The following KIF16B variants were observed in gnomAD, a reference collection of about 807,000 sequenced individuals.
KIF16B encodes the protein kinesin-like protein KIF16B.
In KIF16B, 98 loss-of-function variants were observed where a neutral mutation model predicts 156.3. The observed-to-expected ratio is 0.63, with a 90% CI of 0.53 to 0.74. The LOEUF is 0.74. Among genes scored for constraint, KIF16B ranks in the 30% least tolerant of loss-of-function variants. The pLI is 0.00. For synonymous variants in KIF16B, 564 were observed against 583.7 expected, an observed-to-expected ratio of 0.97 and a Z score of 0.49; for missense variants, 1,421 against 1,606.5, an observed-to-expected ratio of 0.88 and a Z score of 1.97.
chr20:16,396,962 A>G (rs950301019), intron 17 of KIF16B, among the ~76,000 whole-genome samples: 1 of 152,166 alleles, frequency 6.6e-6, no homozygotes, highest in Non-Finnish European at 1.5e-5. Flanking sequence ...ATCCATCTAA[A>G]TGGGCTCACT....
At chr20:16,341,159 A>G (rs543754516) in intron 23 of KIF16B, among the ~76,000 whole-genome samples, 2 of 152,342 alleles carry the variant, frequency 1.3e-5, no homozygotes, top group South Asian at 4.1e-4. Flanking sequence ...TTAAATCCAC[A>G]CTTAACATCG....
At chr20:16,310,980 T>A (rs1029210920) in intron 25 of KIF16B, among the ~76,000 whole-genome samples, 4 of 152,370 alleles carry the variant, frequency 2.6e-5, no homozygotes, top group Middle Eastern at 3.4e-3. Flanking sequence ...CTTCTCTCCT[T>A]CTGCTCTCAC....
chr20:16,558,911 A>C (rs893801491), intron 1 of KIF16B, among the ~76,000 whole-genome samples: 1 of 151,874 alleles, frequency 6.6e-6, no homozygotes, highest in South Asian at 2.1e-4. Context: ...AAAAAAAAAA[A>C]AAAAAAAAAA....
chr20:16,337,860 G>A (rs1040659430), intron 23 of KIF16B, among the ~76,000 whole-genome samples: 2 of 152,300 alleles, frequency 1.3e-5, no homozygotes, highest in African/African-American at 4.8e-5. Flanking sequence ...CCTTCCAACA[G>A]GGCATGCTGC....
At chr20:16,361,321 C>T (rs2064548052) in intron 22 of KIF16B, among the ~76,000 whole-genome samples, 1 of 152,128 alleles carries the variant, frequency 6.6e-6, no homozygotes, top group African/African-American at 2.4e-5. Context: ...TTGTTATAGC[C>T]TCAAACATCA....
At chr20:16,566,080 T>C (rs1337657784) in intron 1 of KIF16B, among the ~76,000 whole-genome samples, 1 of 152,272 alleles carries the variant, frequency 6.6e-6, no homozygotes, top group East Asian at 1.9e-4. Context: ...TTCGGTATAT[T>C]TTTCTGCATA....
intron 17 of KIF16B, among the ~76,000 whole-genome samples, chr20:16,397,651 A>G (rs1415163306): frequency 6.6e-6 from 1 of 152,198 alleles, no homozygotes; most frequent in East Asian, 1.9e-4. Flanking sequence ...TTCTGGGAAA[A>G]ACTGAGTACT....
intron 24 of KIF16B, among the ~76,000 whole-genome samples, chr20:16,323,969 G>A (rs2063807047): frequency 6.6e-6 from 1 of 151,852 alleles, no homozygotes; most frequent in Admixed American, 6.6e-5. Flanking sequence ...AAAGCCCGGT[G>A]TCAGTTTCAT....
At chr20:16,342,242 A>G (rs1264371291) in intron 23 of KIF16B, among the ~76,000 whole-genome samples, 1 of 147,234 alleles carries the variant, frequency 6.8e-6, no homozygotes, top group Non-Finnish European at 1.5e-5. Context: ...TACTAATTAT[A>G]TATCTCTCTA....
chr20:16,417,468 C>T (rs1209509146), intron 15 of KIF16B, among the ~76,000 whole-genome samples: 1 of 152,104 alleles, frequency 6.6e-6, no homozygotes, highest in Admixed American at 6.5e-5. Context: ...ATAAACATTT[C>T]CCATAGGATT....
At position 16,389,531 on chromosome 20, in the gene KIF16B, T is replaced by C. The variant is rs143889412; in HGVS notation, c.1785-7784A>G. ...GTTCCGACTACAGAGGGTTCTTCAA[T>C]GGTTTAGACAAAAAATGATTGACCT... On this transcript the variant is annotated intron_variant, in intron 17 of 25. Coordinates refer to ENST00000354981, the MANE Select transcript of KIF16B (RefSeq NM_024704.5). 6.4e-4 allele frequency among the ~76,000 whole-genome samples: 98 copies of C among 152,288 alleles called. 1 individual carries two copies. The highest frequency in any genetic ancestry group is 5.0e-3 in the East Asian group (26 of 5,176).
At chr20:16,416,293 T>C (rs558267065) in intron 15 of KIF16B, among the ~76,000 whole-genome samples, 10 of 152,328 alleles carry the variant, frequency 6.6e-5, no homozygotes, top group African/African-American at 2.4e-4. Context: ...CCCATGCCTA[T>C]GTCCTGAATG....
intron 23 of KIF16B, among the ~76,000 whole-genome samples, chr20:16,349,712 C>T (rs1016674369): frequency 4.6e-5 from 7 of 152,244 alleles, no homozygotes; most frequent in East Asian, 1.9e-4. Flanking sequence ...CCTGGCCCCA[C>T]GGTGCCTGCC....
intron 23 of KIF16B, among the ~76,000 whole-genome samples, chr20:16,337,545 A>G (rs1317180696): frequency 6.6e-6 from 1 of 151,548 alleles, no homozygotes; most frequent in Non-Finnish European, 1.5e-5. Flanking sequence ...ATAAGAAAAC[A>G]AAAGTGAATG....
At chr20:16,275,291 A>G (rs1217715163) in intron 25 of KIF16B, among the ~76,000 whole-genome samples, 1 of 152,112 alleles carries the variant, frequency 6.6e-6, no homozygotes, top group Non-Finnish European at 1.5e-5. Flanking sequence ...CCTGACCTCA[A>G]ATGATCCACC....
At chr20:16,297,441 C>T (rs745533128) in intron 25 of KIF16B, among the ~76,000 whole-genome samples, 2 of 152,152 alleles carry the variant, frequency 1.3e-5, no homozygotes, top group Non-Finnish European at 2.9e-5. Flanking sequence ...GCCTGTAATC[C>T]CAGCACTTGG....
At chr20:16,402,282 T>C (rs2065674856) in intron 17 of KIF16B, among the ~76,000 whole-genome samples, 1 of 152,206 alleles carries the variant, frequency 6.6e-6, no homozygotes, top group Admixed American at 6.5e-5. Context: ...ACATTTGATT[T>C]CATTTCATTT....
At chr20:16,512,101 T>C (rs1242815666) in intron 5 of KIF16B, among the ~76,000 whole-genome samples, 1 of 151,372 alleles carries the variant, frequency 6.6e-6, no homozygotes, top group Non-Finnish European at 1.5e-5. Flanking sequence ...GAGCCAAGAG[T>C]GTGCCACTGC....
intron 12 of KIF16B, among the ~76,000 whole-genome samples, chr20:16,466,106 A>G (rs1011889789): frequency 6.6e-6 from 1 of 152,270 alleles, no homozygotes; most frequent in African/African-American, 2.4e-5. Context: ...AATATAAATT[A>G]TTATAATGGG....
Sources: allele counts gnomAD v4.1 joint callset (sites outside exome capture counted in the v4.1 genomes callset), GRCh38; gene constraint gnomAD v4.1.1; transcripts MANE v1.5; gene names NCBI Gene and HGNC (gene_info 2026-07-23, HGNC 2026-07-21).